SDK1: variants seen among roughly 807,000 people sequenced by gnomAD.
SDK1 encodes protein sidekick-1.
Under a neutral mutation model 245.5 loss-of-function variants are expected in SDK1, and 157 were observed. The observed-to-expected ratio is 0.64, with a 90% confidence interval of 0.56 to 0.73. The LOEUF is 0.73. Ranked by LOEUF, SDK1 falls within the 30% of genes least tolerant of loss-of-function variation. SDK1 has a pLI of 0.00. For synonymous variants in SDK1, 1,647 were observed against 1,278.5 expected, an observed-to-expected ratio of 1.29 and a Z score of -6.15; for missense variants, 3,583 against 3,002.3, an observed-to-expected ratio of 1.19 and a Z score of -4.52.
intron 1 of SDK1, among the ~76,000 whole-genome samples, chr7:3,503,509 C>G (rs1782284284): frequency 6.6e-6 from 1 of 151,974 alleles, no homozygotes; most frequent in South Asian, 2.1e-4. Context: ...GAGAACCTTC[C>G]TCTATAAAAA....
chr7:4,261,861 A>T (rs1788033792), intron 44 of SDK1, among the ~76,000 whole-genome samples: 1 of 151,918 alleles, frequency 6.6e-6, no homozygotes, highest in East Asian at 1.9e-4. Flanking sequence ...CTGTGCCACC[A>T]GGTGGATCCC....
At chr7:3,666,900 A>G (rs960713619) in intron 4 of SDK1, among the ~76,000 whole-genome samples, 1 of 152,056 alleles carries the variant, frequency 6.6e-6, no homozygotes, top group Non-Finnish European at 1.5e-5. Flanking sequence ...CCGTCACAAG[A>G]GGTGTTGGCT....
chr7:3,602,767 A>G (rs1357195906), intron 1 of SDK1, among the ~76,000 whole-genome samples: 15 of 152,136 alleles, frequency 9.9e-5, no homozygotes, highest in Non-Finnish European at 2.9e-5. Context: ...TATGTCCTCA[A>G]TGGTATTGCC....
intron 1 of SDK1, among the ~76,000 whole-genome samples, chr7:3,431,447 G>C (rs948251091): frequency 2.1e-5 from 3 of 144,400 alleles, no homozygotes; most frequent in African/African-American, 7.8e-5. Flanking sequence ...TGATTACTCT[G>C]AAAACATATG....
chr7:3,550,509 G>A (rs1779367439), intron 1 of SDK1, among the ~76,000 whole-genome samples: 1 of 152,156 alleles, frequency 6.6e-6, no homozygotes, highest in Admixed American at 6.5e-5. Flanking sequence ...GGTGCTCATT[G>A]CTGCTCCTGT....
intron 13 of SDK1, among the ~76,000 whole-genome samples, chr7:3,979,130 G>T (rs1184563409): frequency 6.6e-6 from 1 of 152,142 alleles, no homozygotes; most frequent in African/African-American, 2.4e-5. Context: ...TTCACTACTT[G>T]TGTGACTTTG....
intron 4 of SDK1, among the ~76,000 whole-genome samples, chr7:3,693,626 A>C (rs950768979): frequency 4.6e-5 from 7 of 151,784 alleles, no homozygotes; most frequent in African/African-American, 9.7e-5. Flanking sequence ...TATTATGAAT[A>C]GTTTCTTTTT....
At chr7:4,145,386 A>T (rs549076800) in intron 28 of SDK1, among the ~76,000 whole-genome samples, 5 of 152,136 alleles carry the variant, frequency 3.3e-5, no homozygotes, top group African/African-American at 1.2e-4. Context: ...AGGGAGAGGC[A>T]GAGACTGAGA....
intron 5 of SDK1, among the ~76,000 whole-genome samples, chr7:3,852,734 G>C (rs1464921756): frequency 2.8e-5 from 3 of 106,934 alleles, no homozygotes; most frequent in African/African-American, 7.8e-5. Context: ...CTGGGAGACA[G>C]AGCAAGACTC....
chr7:3,962,979 G>A (rs1359242272), intron 9 of SDK1, 128 bp downstream of exon 9: 1 of 451,642 alleles, frequency 2.2e-6, no homozygotes, highest in East Asian at 3.8e-5. Flanking sequence ...GACGTATCCA[G>A]TGAGTACACT....
rs745830597 is a variant in SDK1 at position 3,947,530 on chromosome 7, TTGTGTGTGTGTGTGTGTGTGTG to T, written c.848-3375_848-3354del. On this transcript the variant is annotated intron_variant, in intron 5 of 44. Coordinates refer to ENST00000404826, the MANE Select transcript of SDK1 (RefSeq NM_152744.4). Reference sequence around the variant, plus strand: ...TTTCCTTTTAAAAAGAAGTATTTGCTTGTGTGTGTGTGTGTGTGTGTGTGTGTGTGTGTGTGTGTATTTTTTT... The same window carrying T: ...TTTCCTTTTAAAAAGAAGTATTTGCTTGTGTGTGTGTGTGTGTATTTTTTT... 5.7e-5 allele frequency among the ~76,000 whole-genome samples: 8 copies of T among 140,454 alleles called. No individual in the cohort carries two copies. The East Asian group carries it at 1.3e-3, about 22-fold the overall frequency. The allele number at this position is 140,454 out of a possible 152,430, so 92.1% of individuals were successfully genotyped here. A position where few individuals can be genotyped will look rare whatever the true frequency, so the allele number is the denominator to read the frequency against.
At chr7:3,525,839 T>C (rs1783109490) in intron 1 of SDK1, among the ~76,000 whole-genome samples, 1 of 152,204 alleles carries the variant, frequency 6.6e-6, no homozygotes, top group African/African-American at 2.4e-5. Context: ...TAATAATTTG[T>C]CTTATTTAAT....
At chr7:3,392,760 GATTC>G (rs1554264806) in intron 1 of SDK1, among the ~76,000 whole-genome samples, 2 of 151,790 alleles carry the variant, frequency 1.3e-5, no homozygotes, top group Non-Finnish European at 2.9e-5. Context: ...ATGTTTTCAA[GATTC>G]ATTCATATTA....
At chr7:4,246,209 C>T (rs915022967) in intron 44 of SDK1, among the ~76,000 whole-genome samples, 4 of 152,208 alleles carry the variant, frequency 2.6e-5, no homozygotes, top group African/African-American at 9.7e-5. Flanking sequence ...GGCTGGTGCC[C>T]TCTGTGAGAG....
chr7:3,367,849 A>G (rs1025328633), intron 1 of SDK1, among the ~76,000 whole-genome samples: 2 of 152,234 alleles, frequency 1.3e-5, no homozygotes, highest in Non-Finnish European at 2.9e-5. Flanking sequence ...CATATAAGCT[A>G]TTATAACAAA....
chr7:3,570,981 A>G (rs993038636), intron 1 of SDK1, among the ~76,000 whole-genome samples: 7 of 152,096 alleles, frequency 4.6e-5, no homozygotes, highest in African/African-American at 1.4e-4. Flanking sequence ...TTGCACTTAA[A>G]GTACACACGT....
rs530836221 is a variant in SDK1, at chr7:3,990,429, C to T, written c.2131+3107C>T. Reference sequence around the variant, plus strand: ...GACGGCCATCTTAGCTTCCATTCAACGGCTCTGACCGAACGGGGAAGGCCA... The same window carrying T: ...GACGGCCATCTTAGCTTCCATTCAATGGCTCTGACCGAACGGGGAAGGCCA... On this transcript the variant is annotated intron_variant, in intron 14 of 44. Transcript: ENST00000404826. Among the ~76,000 whole-genome samples the T allele has an allele frequency of 7.7e-4, 117 of 152,300 alleles. 1 individual carries two copies. Among genetic ancestry groups the T allele is most frequent in the Middle Eastern group, 3.4e-3 (1 of 294 alleles).
chr7:3,393,109 T>G lies in SDK1; in HGVS notation c.298+91225T>G, dbSNP rs150801426. ...TCTCAGTCTCCTGAGTAGCTGAGAT[T>G]ACAGGTGCCTGCCACCACGCCTGGC... On this transcript the variant is annotated intron_variant, in intron 1 of 44. Coordinates refer to ENST00000404826, the MANE Select transcript of SDK1 (RefSeq NM_152744.4). Among the ~76,000 whole-genome samples the G allele has an allele frequency of 9.8e-3, 1,486 of 151,960 alleles. 26 individuals carry two copies. The highest frequency in any genetic ancestry group is 0.034 in the African/African-American group (1,399 of 41,404).
At chr7:4,140,297 C>T (rs571076703) in intron 28 of SDK1, among the ~76,000 whole-genome samples, 41 of 152,280 alleles carry the variant, frequency 2.7e-4, no homozygotes, top group Non-Finnish European at 4.4e-4. Context: ...GATGTTACTC[C>T]CCAAGGCTCT....
Sources: gnomAD v4.1 joint callset for allele counts (sites outside exome capture counted in the v4.1 genomes callset) on GRCh38, gnomAD v4.1.1 for gene constraint, MANE v1.5 for transcripts, NCBI Gene and HGNC (gene_info 2026-07-23, HGNC 2026-07-21) for gene names.